The following SPTBN1 variants were observed in gnomAD, a reference collection of about 807,000 sequenced individuals.
The protein encoded by SPTBN1 is spectrin beta chain, non-erythrocytic 1.
Under a neutral mutation model 266.4 loss-of-function variants are expected in SPTBN1, and 32 were observed. That is an observed-to-expected ratio of 0.12 (90% CI 0.09 to 0.16). The LOEUF (loss-of-function observed/expected upper bound fraction) is 0.16, where lower values mean the gene tolerates loss of function less well. SPTBN1 is among the 10% of genes least tolerant of loss of function. The pLI, the probability that SPTBN1 is intolerant of heterozygous loss-of-function variation, is 1.00. For missense variants in SPTBN1, 2,296 were observed against 3,067.1 expected (o/e 0.75, Z 5.94); for synonymous variants, 1,336 against 1,162.2 (o/e 1.15, Z -3.04).
chr2:54,493,719 G>C (rs1668814746), intron 1 of SPTBN1, among the ~76,000 whole-genome samples: 1 of 152,194 alleles, frequency 6.6e-6, no homozygotes. Flanking sequence ...TATGTGTTCT[G>C]AATTTAGGTT....
intron 2 of SPTBN1, 148 bp downstream of exon 2, chr2:54,526,714 T>G: frequency 1.0e-6 from 1 of 961,440 alleles, no homozygotes; most frequent in Non-Finnish European, 1.4e-6. Context: ...GCTGACCATT[T>G]TATAAGGTAG....
chr2:54,485,102 G>A (rs1211414305), intron 1 of SPTBN1, among the ~76,000 whole-genome samples: 2 of 149,862 alleles, frequency 1.3e-5, no homozygotes, highest in South Asian at 2.1e-4. Context: ...TTGTTATTCC[G>A]TTCAGTAAGG....
intron 1 of SPTBN1, among the ~76,000 whole-genome samples, chr2:54,499,733 A>G (rs1669150123): frequency 6.6e-6 from 1 of 152,134 alleles, no homozygotes; most frequent in Admixed American, 6.5e-5. Context: ...AGCTTCAGAA[A>G]CCTTCACATC....
At chr2:54,508,364 C>T (rs1218398798) in intron 1 of SPTBN1, among the ~76,000 whole-genome samples, 1 of 152,144 alleles carries the variant, frequency 6.6e-6, no homozygotes, top group Non-Finnish European at 1.5e-5. Context: ...ATTTGCCAGT[C>T]CTGGGCGGGG....
intron 2 of SPTBN1, among the ~76,000 whole-genome samples, chr2:54,595,635 G>A (rs1200366444): frequency 6.6e-6 from 1 of 152,220 alleles, no homozygotes; most frequent in East Asian, 1.9e-4. Context: ...CCTGAAGGCC[G>A]GCCATTTCTG....
rs1003118430 is a variant in SPTBN1 at position 54,563,589 on chromosome 2, T to C, written c.149-35503T>C. Among the ~76,000 whole-genome samples, 5 of 141,548 alleles carry C rather than the reference T, an allele frequency of 3.5e-5. No homozygotes were observed. In the South Asian group the frequency reaches 1.1e-3, roughly 32 times the overall value. 92.9% of individuals were successfully genotyped at this position (141,548 alleles called of 152,430 possible). A position where few individuals can be genotyped will look rare whatever the true frequency, so the allele number is the denominator to read the frequency against. ...ATACCTCTGAATCATGAAGAAAATT[T>C]ATTCTTTTTTTTTTTTTTTTTTTTT... On this transcript the variant is annotated intron_variant, in intron 2 of 35. Coordinates refer to ENST00000356805, the MANE Select transcript of SPTBN1 (RefSeq NM_003128.3).
intron 2 of SPTBN1, among the ~76,000 whole-genome samples, chr2:54,572,206 G>A (rs1048813106): frequency 6.6e-6 from 1 of 152,122 alleles, no homozygotes; most frequent in Non-Finnish European, 1.5e-5. Flanking sequence ...ACATCACATT[G>A]TCTTTTTCCC....
rs1307917517 is a variant in SPTBN1, at chr2:54,629,560, C to G, written c.2426C>G (p.Ala809Gly). ...TLDTLHEQAS[A>G]LPQEHAESPD... is the part of the protein sequence containing the mutation. ...GACACGCTGCACGAACAAGCCAGCG[C>G]CCTCCCCCAGGAGCATGCCGAGTCT... is the stretch of plus-strand genomic sequence containing the variant. The change falls in exon 14 of 36, where the codon GCC (alanine) becomes GGC (glycine). Residue 809 changes from alanine (A) to glycine (G), a missense_variant. Ala to Gly is a moderately conservative substitution (Grantham distance 60). Coordinates refer to ENST00000356805, the MANE Select transcript of SPTBN1 (RefSeq NM_003128.3). 5.0e-6 allele frequency: 8 copies of G among 1,614,104 alleles called. No homozygotes were observed. In the East Asian group the frequency reaches 1.8e-4, roughly 36 times the overall value.
chr2:54,522,243 A>G (rs1670486505), intron 1 of SPTBN1, among the ~76,000 whole-genome samples: 1 of 152,120 alleles, frequency 6.6e-6, no homozygotes, highest in Admixed American at 6.5e-5. Context: ...GTTTTTAAGG[A>G]ATACCATTAA....
intron 12 of SPTBN1, among the ~76,000 whole-genome samples, chr2:54,627,422 A>T (rs1678424029): frequency 6.6e-6 from 1 of 152,196 alleles, no homozygotes; most frequent in East Asian, 1.9e-4. Context: ...AGAAACAAGA[A>T]AATATCAGTG....
chr2:54,634,327 C>T (rs1281538088), intron 17 of SPTBN1, among the ~76,000 whole-genome samples: 1 of 152,212 alleles, frequency 6.6e-6, no homozygotes, highest in Non-Finnish European at 1.5e-5. Context: ...GCAGCAGCAG[C>T]CCTCAGTTGT....
intron 32 of SPTBN1, chr2:54,660,564 T>G (rs1303949767): frequency 2.0e-6 from 2 of 985,538 alleles, no homozygotes; most frequent in Non-Finnish European, 2.4e-6. Context: ...AAGTCAGCTG[T>G]GTAACATTCC....
At chr2:54,517,633 C>G (rs1226237175) in intron 1 of SPTBN1, among the ~76,000 whole-genome samples, 1 of 149,126 alleles carries the variant, frequency 6.7e-6, no homozygotes, top group Non-Finnish European at 1.5e-5. Flanking sequence ...CTGTATACAG[C>G]TCTATGGTGC....
rs1244058814 is a variant in SPTBN1, at chr2:54,671,302, T to C, written c.*2733T>C. On this transcript the variant is annotated 3_prime_UTR_variant, in exon 36 of 36. Transcript: ENST00000356805. ...GGCATCTTGAGTAGGTGAAACACTG[T>C]ATCAGACTGGGTGATGGGCACATTG... The C allele has an allele frequency of 6.6e-6, 1 of 152,482 alleles. No homozygotes were observed. Among genetic ancestry groups the C allele is most frequent in the African/African-American group, 2.4e-5 (1 of 41,452 alleles). 9.4% of individuals were successfully genotyped at this position (152,482 alleles called of 1,614,324 possible). A position where few individuals can be genotyped will look rare whatever the true frequency, so the allele number is the denominator to read the frequency against.
chr2:54,620,706 T>C (rs532275036), intron 7 of SPTBN1, among the ~76,000 whole-genome samples: 43 of 152,288 alleles, frequency 2.8e-4, no homozygotes, highest in African/African-American at 9.9e-4. Flanking sequence ...AATTTAGAAA[T>C]GTCTAGACCA....
At chr2:54,625,066 A>G (rs1002843942) in intron 11 of SPTBN1, 104 bp downstream of exon 11, 4 of 1,394,548 alleles carry the variant, frequency 2.9e-6, no homozygotes, top group Admixed American at 2.6e-5. Context: ...ATCGACATTC[A>G]TTATTCTGGA....
At chr2:54,608,507 A>T (rs1314987698) in intron 3 of SPTBN1, among the ~76,000 whole-genome samples, 1 of 152,158 alleles carries the variant, frequency 6.6e-6, no homozygotes, top group Non-Finnish European at 1.5e-5. Flanking sequence ...GTTCTTCTAC[A>T]TGTGGATGTG....
chr2:54,661,092 C>T (rs568460174), intron 32 of SPTBN1: 2 of 985,378 alleles, frequency 2.0e-6, no homozygotes, highest in East Asian at 1.1e-4. Flanking sequence ...TAGACAAACT[C>T]CACTGTACAT....
rs777748377 is a variant in SPTBN1 at position 54,647,099 on chromosome 2, G to C, written c.4867-32G>C. ...TTAAGGGGTAGGGCCAGAGGGGACC[G>C]CTATGGTTGTGATGTTCTCCTGTCT... On this transcript the variant is annotated intron_variant, in intron 23 of 35. Transcript: ENST00000356805. 10 of 1,613,806 alleles carry C rather than the reference G, an allele frequency of 6.2e-6. No homozygotes were observed. The East Asian group carries it at 2.2e-4, about 36-fold the overall frequency.
Sources: gnomAD v4.1 joint callset for allele counts (sites outside exome capture counted in the v4.1 genomes callset) on GRCh38, gnomAD v4.1.1 for gene constraint, MANE v1.5 for transcripts, NCBI Gene and HGNC (gene_info 2026-07-23, HGNC 2026-07-21) for gene names.